Variants in DLGAP2 observed in about 807,000 individuals in gnomAD.
The protein encoded by DLGAP2 is DLG associated protein 2.
DLGAP2 carries 26 observed loss-of-function variants against 100.3 expected under a neutral mutation model. The observed-to-expected ratio is 0.26, with a 90% CI of 0.19 to 0.36. The LOEUF is 0.36. Ranked by LOEUF, DLGAP2 falls within the 10% of genes least tolerant of loss-of-function variation. The pLI, the probability that DLGAP2 is intolerant of heterozygous loss-of-function variation, is 1.00. For missense variants in DLGAP2, 1,858 were observed against 1,453.2 expected (o/e 1.28, Z -4.53); for synonymous variants, 886 against 630.1 (o/e 1.41, Z -6.08).
chr8:1,377,770 G>C (rs1007956982), intron 3 of DLGAP2: 17 of 152,132 alleles, frequency 1.1e-4, no homozygotes, highest in African/African-American at 4.1e-4. Context: ...GTCCAGCACA[G>C]CTTCTTCATG....
chr8:1,108,829 C>T (rs1804862721), intron 2 of DLGAP2, among the ~76,000 whole-genome samples: 1 of 113,038 alleles, frequency 8.8e-6, no homozygotes, highest in Non-Finnish European at 1.8e-5. Context: ...TGTGCATGTG[C>T]CTATGAAGTG....
chr8:1,314,366 C>G (rs1563077192), intron 3 of DLGAP2, among the ~76,000 whole-genome samples: 2 of 152,184 alleles, frequency 1.3e-5, no homozygotes, highest in Admixed American at 1.3e-4. Context: ...CACTGTTCAC[C>G]TTGGAAGTGC....
rs867998763 is a variant in DLGAP2 at position 1,683,854 on chromosome 8, A to G, written c.2704+5225A>G. ...CTCCACTATATATATATATATATATATATGTGTGTGTGTGTGTGTGTGTGT... is the reference window on the plus strand; with the variant it reads ...CTCCACTATATATATATATATATATGTATGTGTGTGTGTGTGTGTGTGTGT... On this transcript the variant is annotated intron_variant, in intron 12 of 14. Coordinates refer to ENST00000637795, the MANE Select transcript of DLGAP2 (RefSeq NM_001346810.2). Among the ~76,000 whole-genome samples, 58 of 72,932 alleles carry G rather than the reference A, an allele frequency of 8.0e-4. 1 individual carries two copies. The highest frequency in any genetic ancestry group is 2.7e-3 in the African/African-American group (32 of 11,780). The allele number at this position is 72,932 out of a possible 152,430, so 47.8% of individuals were successfully genotyped here. A position where few individuals can be genotyped will look rare whatever the true frequency, so the allele number is the denominator to read the frequency against.
chr8:1,071,433 G>A (rs926744013), intron 2 of DLGAP2, among the ~76,000 whole-genome samples: 4 of 152,180 alleles, frequency 2.6e-5, no homozygotes, highest in Non-Finnish European at 4.4e-5. Context: ...GGGTGGGGCT[G>A]TGCTAGCCTA....
chr8:1,355,228 G>T (rs1248262466), intron 3 of DLGAP2, among the ~76,000 whole-genome samples: 1 of 152,272 alleles, frequency 6.6e-6, no homozygotes, highest in African/African-American at 2.4e-5. Context: ...TGACAGCGGT[G>T]ACACCTGCGT....
intron 6 of DLGAP2, among the ~76,000 whole-genome samples, chr8:1,585,393 G>T (rs1796085699): frequency 6.6e-6 from 1 of 152,214 alleles, no homozygotes; most frequent in Non-Finnish European, 1.5e-5. Flanking sequence ...GAATCTGGGA[G>T]GCGGAGGTTG....
At chr8:1,671,358 G>A (rs1172053824) in intron 10 of DLGAP2, among the ~76,000 whole-genome samples, 3 of 152,206 alleles carry the variant, frequency 2.0e-5, no homozygotes, top group South Asian at 2.1e-4. Context: ...ACTGGCTTCC[G>A]GGACCTTTGG....
chr8:1,427,476 C>T (rs749932142), intron 3 of DLGAP2, among the ~76,000 whole-genome samples: 8 of 152,164 alleles, frequency 5.3e-5, no homozygotes, highest in Non-Finnish European at 8.8e-5. Flanking sequence ...CAAACATCCT[C>T]ATATACTTGA....
At chr8:1,481,790 C>G (rs1345958899) in intron 3 of DLGAP2, among the ~76,000 whole-genome samples, 2 of 152,140 alleles carry the variant, frequency 1.3e-5, no homozygotes, top group East Asian at 1.9e-4. Context: ...ATTTTATTTT[C>G]TAAGACATGA....
rs758807364 is a variant in DLGAP2, at chr8:1,588,803, TC to T, written c.1442+22912del. Among the ~76,000 whole-genome samples, 1,392 of 140,712 alleles carry T rather than the reference TC, an allele frequency of 9.9e-3. 12 individuals are homozygous for T. The highest frequency in any genetic ancestry group is 0.016 in the Non-Finnish European group (1,012 of 65,096). The allele number at this position is 140,712 out of a possible 152,430, so 92.3% of individuals were successfully genotyped here. Reference sequence around the variant, plus strand: ...TGAGCATGGTAGTACATGCCTGTAATCCCAGCTACTCAGAAGGCTGGAGCAG... The same window carrying T: ...TGAGCATGGTAGTACATGCCTGTAATCCAGCTACTCAGAAGGCTGGAGCAG... On this transcript the variant is annotated intron_variant, in intron 6 of 14. Coordinates refer to ENST00000637795, the MANE Select transcript of DLGAP2 (RefSeq NM_001346810.2).
chr8:1,268,986 T>A (rs1027788029), intron 3 of DLGAP2, among the ~76,000 whole-genome samples: 2 of 152,164 alleles, frequency 1.3e-5, no homozygotes, highest in African/African-American at 4.8e-5. Context: ...TCAGCCGTAG[T>A]CCTTGGTCTG....
intron 1 of DLGAP2, chr8:738,104 C>A (rs961764890): frequency 2.8e-5 from 7 of 250,234 alleles, no homozygotes; most frequent in African/African-American, 1.4e-4. Context: ...TGCGGGAGCG[C>A]ACGGGGCCGC....
At chr8:1,363,604 C>A (rs868216518) in intron 3 of DLGAP2, among the ~76,000 whole-genome samples, 5 of 152,222 alleles carry the variant, frequency 3.3e-5, no homozygotes, top group Non-Finnish European at 7.3e-5. Flanking sequence ...CCCTGTCAGG[C>A]GACATTGGGA....
intron 4 of DLGAP2, among the ~76,000 whole-genome samples, chr8:1,529,155 C>T (rs562569905): frequency 5.4e-4 from 82 of 152,242 alleles, no homozygotes; most frequent in African/African-American, 1.9e-3. Context: ...AACTTACAAT[C>T]GTGGCGGAAG....
chr8:1,187,090 C>T (rs1396687381), intron 2 of DLGAP2, among the ~76,000 whole-genome samples: 1 of 152,034 alleles, frequency 6.6e-6, no homozygotes, highest in Non-Finnish European at 1.5e-5. Context: ...CTTGGAGATG[C>T]ATCAATACGT....
At chr8:1,548,595 G>C (rs775043177) in intron 4 of DLGAP2, 31 bp from the exon 5 acceptor site, 70 of 1,456,054 alleles carry the variant, frequency 4.8e-5, no homozygotes, top group Middle Eastern at 1.8e-4. Context: ...CGCGCTTCCG[G>C]GTGTTCAATG....
At chr8:1,066,061 T>G (rs914783523) in intron 2 of DLGAP2, among the ~76,000 whole-genome samples, 3 of 152,186 alleles carry the variant, frequency 2.0e-5, no homozygotes, top group Admixed American at 1.3e-4. Flanking sequence ...GTGGGGCAGG[T>G]CTGAGCGAGG....
At chr8:1,592,023 C>T (rs928358722) in intron 6 of DLGAP2, among the ~76,000 whole-genome samples, 2 of 152,202 alleles carry the variant, frequency 1.3e-5, no homozygotes, top group Non-Finnish European at 2.9e-5. Context: ...CCACACGATT[C>T]TGCTGGGAGC....
rs547761838 is a variant in DLGAP2, at chr8:1,304,054, A to G, written c.106+45171A>G. On this transcript the variant is annotated intron_variant, in intron 3 of 14. Transcript: ENST00000637795. Reference sequence around the variant, plus strand: ...CCAGACAGCTCATTTCTCAGACTGCAAAGGTCAGCAGCAGAATTGGGGGAG... The same window carrying G: ...CCAGACAGCTCATTTCTCAGACTGCGAAGGTCAGCAGCAGAATTGGGGGAG... Among the ~76,000 whole-genome samples the G allele has an allele frequency of 7.2e-5, 11 of 152,348 alleles. No individual in the cohort carries two copies. In the East Asian group the frequency reaches 1.5e-3, roughly 21 times the overall value.
Sources: allele counts gnomAD v4.1 joint callset (sites outside exome capture counted in the v4.1 genomes callset), GRCh38; gene constraint gnomAD v4.1.1; transcripts MANE v1.5; gene names NCBI Gene and HGNC (gene_info 2026-07-23, HGNC 2026-07-21).